The following IGSF9 variants were observed in gnomAD, a reference collection of about 807,000 sequenced individuals.
IGSF9 encodes immunoglobulin superfamily member 9.
In IGSF9, 87 loss-of-function variants were observed where a neutral mutation model predicts 121.7. The observed-to-expected ratio is 0.71, with a 90% CI of 0.60 to 0.85. IGSF9 has a LOEUF of 0.85. IGSF9 is among the 40% of genes least tolerant of loss of function. The pLI is 0.00. For missense variants in IGSF9, 1,462 were observed against 1,565.3 expected (o/e 0.93, Z 1.11); for synonymous variants, 640 against 648.4 (o/e 0.99, Z 0.20).
chr1:159,928,114 G>A (rs1366646149), intron 19 of IGSF9, 44 bp downstream of exon 19: 3 of 1,588,200 alleles, frequency 1.9e-6, no homozygotes. Context: ...GAGGTCTGGG[G>A]TGGGACTGAG....
In IGSF9 at chr1:159,927,360, C is replaced by A; in HGVS notation, c.3525G>T (p.Gln1175His). The A allele has an allele frequency of 1.2e-6, 2 of 1,613,792 alleles. No individual in the cohort carries two copies. Among genetic ancestry groups the A allele is most frequent in the Non-Finnish European group, 1.7e-6 (2 of 1,180,004 alleles). Reference sequence around the variant, plus strand: ...TCAGGGATGTTCACAGCAGAGTGGCCTGTTCGGGGTGGGGGACTGGCTGTC... The same window carrying A: ...TCAGGGATGTTCACAGCAGAGTGGCATGTTCGGGGTGGGGGACTGGCTGTC... ...AYRQPVPHPE[Q>H]ATLL The change falls in exon 21 of 21, where the codon CAG becomes CAT. Residue 1175 changes from glutamine to histidine, a missense_variant. Physicochemically the swap from Gln to His is conservative, Grantham distance 24. Transcript: ENST00000368094.
At chr1:159,928,137 A>G in intron 19 of IGSF9, 21 bp downstream of exon 19, 1 of 1,599,678 alleles carries the variant, frequency 6.3e-7, no homozygotes, top group Non-Finnish European at 8.5e-7. Context: ...GGAGGCAGGG[A>G]TGGGCAGGGA....
At position 159,931,268 on chromosome 1, in the gene IGSF9, A is replaced by AG. The variant is rs147194050; in HGVS notation, c.1514-8dup. ...ACAACATGAGGGCTAGTGCCTAGGC[A>AG]GGGGGGAATGGAGGGATGGTGGTCA... On this transcript the variant is annotated splice_region_variant and splice_polypyrimidine_tract_variant and intron_variant, in intron 12 of 20. Transcript: ENST00000368094. The surrounding 1 kb of genome is among the most constrained non-coding windows in gnomAD (Gnocchi z 4.8). 5.2e-4 allele frequency: 833 copies of AG among 1,614,056 alleles called. 2 individuals carry two copies. The African/African-American group carries it at 0.01, about 20-fold the overall frequency.
At position 159,931,766 on chromosome 1, in the gene IGSF9, G is replaced by T; in HGVS notation, c.1362+46C>A. The T allele has an allele frequency of 6.8e-7, 1 of 1,463,358 alleles. No individual in the cohort carries two copies. The highest frequency in any genetic ancestry group is 9.4e-7 in the Non-Finnish European group (1 of 1,068,710). The allele number at this position is 1,463,358 out of a possible 1,614,324, so 90.6% of individuals were successfully genotyped here. ...AAATGGCTGGGGCACGAGAGGCAGG[G>T]GTGTAGTGGGCGTGGGTACAGGCAG... On this transcript the variant is annotated intron_variant, in intron 11 of 20. Coordinates refer to ENST00000368094, the MANE Select transcript of IGSF9 (RefSeq NM_001135050.2). The surrounding 1 kb of genome is among the most constrained non-coding windows in gnomAD (Gnocchi z 4.8).
Position 159,928,307 on chromosome 1 carries a change from C to T in IGSF9, c.3081G>A (p.Gly1027=). 1 of 1,611,768 alleles carries T rather than the reference C, an allele frequency of 6.2e-7. No individual in the cohort carries two copies. The highest frequency in any genetic ancestry group is 1.7e-4 in the Middle Eastern group (1 of 6,022). ...PRGSLTSQSS[G]RGSASFLRPP... Reference sequence around the variant, plus strand: ...GCCGCAGGAACGAAGCGCTGCCTCGCCCACTGCTCTGGCTGGTGAGGCTGC... The same window carrying T: ...GCCGCAGGAACGAAGCGCTGCCTCGTCCACTGCTCTGGCTGGTGAGGCTGC... Residue 1027 remains glycine (G), a synonymous_variant, in exon 19 of 21, where the codon GGG becomes GGA. Coordinates refer to ENST00000368094, the MANE Select transcript of IGSF9 (RefSeq NM_001135050.2).
chr1:159,929,557 G>C (rs966408194), intron 17 of IGSF9, 81 bp downstream of exon 17: 1 of 1,502,872 alleles, frequency 6.7e-7, no homozygotes, highest in Non-Finnish European at 9.0e-7. Flanking sequence ...ACAGGAGCGA[G>C]GGCTTTTCCC....
At chr1:159,930,463 C>T in intron 14 of IGSF9, 24 bp from the exon 15 acceptor site, 1 of 1,522,192 alleles carries the variant, frequency 6.6e-7, no homozygotes, top group Non-Finnish European at 8.8e-7. Context: ...AAAGGCAGGT[C>T]AGAGCAAGGA....
chr1:159,931,493 AGCATTGCTG>A lies in IGSF9; in HGVS notation c.1464_1472del (p.Ser489_Ala491del). ...TCGTGGAGGTGGCCACTCGGGCCAC[AGCATTGCTG>A]GCACTGCATTCCCAGTGCCCGTGGG... On this transcript the variant is annotated inframe_deletion, in exon 12 of 21. Transcript: ENST00000368094. The surrounding 1 kb of genome is among the most constrained non-coding windows in gnomAD (Gnocchi z 4.8). 6.2e-7 allele frequency: 1 copy of A among 1,614,124 alleles called. No individual in the cohort carries two copies. The highest frequency in any genetic ancestry group is 8.5e-7 in the Non-Finnish European group (1 of 1,179,976).
At position 159,937,540 on chromosome 1, in the gene IGSF9, C is replaced by A. The variant is rs1337492366; in HGVS notation, c.400+146G>T. 3.7e-6 allele frequency: 3 copies of A among 811,614 alleles called. No homozygotes were observed. In the African/African-American group the frequency reaches 5.2e-5, roughly 14 times the overall value. 50.3% of individuals were successfully genotyped at this position (811,614 alleles called of 1,614,324 possible). A position where few individuals can be genotyped will look rare whatever the true frequency, so the allele number is the denominator to read the frequency against. ...GGGTGAGATGCAACTACTAAGTGAGCAAACAAGGGCTCTCAGGAAGGGTGG... is the reference window on the plus strand; with the variant it reads ...GGGTGAGATGCAACTACTAAGTGAGAAAACAAGGGCTCTCAGGAAGGGTGG... On this transcript the variant is annotated intron_variant, in intron 4 of 20. Transcript: ENST00000368094.
chr1:159,930,578 C>A, intron 14 of IGSF9, 114 bp downstream of exon 14: 3 of 1,540,946 alleles, frequency 1.9e-6, no homozygotes, highest in Non-Finnish European at 1.8e-6. Flanking sequence ...CCCTCTGGAC[C>A]CCAAGCTGGC....
Position 159,928,354 on chromosome 1 carries a change from G to A in IGSF9, c.3034C>T (p.Leu1012Phe). Residue 1012 changes from leucine to phenylalanine, a missense_variant, in exon 19 of 21, where the codon CTT becomes TTT. Around this residue, in one of 3 missense-constraint regions of IGSF9, gnomAD observed 808 missense variants for 815.2 expected, o/e 0.99. Transcript: ENST00000368094. ...CTGCCTCGAGGGGCAGCAGGGAGAA[G>A]GCCTGGCAGCAGCCGCTCCCTCAGT... Reference protein sequence around the residue: ...WTLRERLLPGLLPAAPRGSLT... With the variant: ...WTLRERLLPGFLPAAPRGSLT... The A allele has an allele frequency of 1.9e-6, 3 of 1,609,742 alleles. No individual in the cohort carries two copies. Among genetic ancestry groups the A allele is most frequent in the Non-Finnish European group, 2.5e-6 (3 of 1,178,242 alleles).
intron 14 of IGSF9, 37 bp downstream of exon 14, chr1:159,930,655 C>T: frequency 6.2e-7 from 1 of 1,612,722 alleles, no homozygotes; most frequent in Non-Finnish European, 8.5e-7. Flanking sequence ...CCTTCCCCAT[C>T]CTTGTCTCTG....
intron 20 of IGSF9, 46 bp downstream of exon 20, chr1:159,927,714 G>A: frequency 6.3e-7 from 1 of 1,599,422 alleles, no homozygotes; most frequent in Non-Finnish European, 8.5e-7. Context: ...GGGGGGATGT[G>A]GGACAGTATG....
chr1:159,943,345 A>T, intron 2 of IGSF9, 52 bp downstream of exon 2: 1 of 1,487,390 alleles, frequency 6.7e-7, no homozygotes, highest in South Asian at 1.4e-5. Context: ...GAACACCCCC[A>T]TACCCACCCC....
At position 159,930,815 on chromosome 1, in the gene IGSF9, C is replaced by T. The variant is rs144356235; in HGVS notation, c.1690G>A (p.Val564Met). ...GGCACTAGGAGGTGAGCAGCCCCCA[C>T]AGGCACTGCCAAGGACACCCAGTCA... is the stretch of plus-strand genomic sequence containing the variant. ...HHDWVSLAVP[V>M]GAAHLLVPGL... Residue 564 changes from valine to methionine, a missense_variant, in exon 14 of 21, where the codon GTG (valine) becomes ATG (methionine). Val to Met is a conservative substitution (Grantham distance 21, BLOSUM62 1). Around this residue, in one of 3 missense-constraint regions of IGSF9, gnomAD observed 96 missense variants for 150.7 expected, o/e 0.64. Transcript: ENST00000368094. 44 of 1,613,750 alleles carry T rather than the reference C, an allele frequency of 2.7e-5. No individual in the cohort carries two copies. The Admixed American group carries it at 5.7e-4, about 21-fold the overall frequency.
intron 15 of IGSF9, 49 bp downstream of exon 15, chr1:159,930,140 G>T: frequency 6.4e-7 from 1 of 1,562,436 alleles, no homozygotes; most frequent in Non-Finnish European, 8.7e-7. Context: ...GGAGAAGGAC[G>T]CAGGAGAGCC....
chr1:159,940,834 A>G (rs1473718850), intron 3 of IGSF9, among the ~76,000 whole-genome samples: 1 of 152,172 alleles, frequency 6.6e-6, no homozygotes, highest in East Asian at 1.9e-4. Context: ...TGTGTGGGGC[A>G]TCTTGAAAAT....
chr1:159,931,251 A>T lies in IGSF9; in HGVS notation c.1524T>A (p.Pro508=), dbSNP rs774948544. The T allele has an allele frequency of 1.9e-6, 3 of 1,614,050 alleles. No individual in the cohort carries two copies. Among genetic ancestry groups the T allele is most frequent in the Non-Finnish European group, 2.5e-6 (3 of 1,179,964 alleles). The stretch of plus-strand genomic sequence containing the variant: ...CCACGGACACATTGGTGACAACATG[A>T]GGGCTAGTGCCTAGGCAGGGGGGAA... ...STNVYVLGTS[P]HVVTNVSVVA... is the part of the protein sequence containing the mutation. The change falls in exon 13 of 21, where the codon CCT becomes CCA. Residue 508 remains proline (P), a synonymous_variant. Transcript: ENST00000368094. This position sits in a 1 kb window ranked among gnomAD's most constrained non-coding sequence, Gnocchi z 4.8.
In IGSF9 at chr1:159,928,939, T is replaced by G. The variant is rs1162126330; in HGVS notation, c.2449A>C (p.Ser817Arg). 2 of 1,554,158 alleles carry G rather than the reference T, an allele frequency of 1.3e-6. No individual in the cohort carries two copies. Among genetic ancestry groups the G allele is most frequent in the Admixed American group, 2.0e-5 (1 of 49,358 alleles). ...CCGGCAGGATCCCCCCAGAGCAGAC[T>G]CTGGCGCAGGCTGGGGACTGGGGAT... ...QGSPVPSLRQ[S>R]LLWGDPAGTP... Residue 817 changes from serine to arginine, a missense_variant, in exon 19 of 21, where the codon AGT becomes CGT. Coordinates refer to ENST00000368094, the MANE Select transcript of IGSF9 (RefSeq NM_001135050.2).
Sources: allele counts gnomAD v4.1 joint callset (sites outside exome capture counted in the v4.1 genomes callset), GRCh38; gene constraint gnomAD v4.1.1; regional missense constraint gnomAD v4.1.1; non-coding constraint Gnocchi (gnomAD v3.1); transcripts MANE v1.5; gene names NCBI Gene and HGNC (gene_info 2026-07-23, HGNC 2026-07-21).